The following ERGIC1 variants were observed in gnomAD, a reference collection of about 807,000 sequenced individuals.
ERGIC1 encodes the protein endoplasmic reticulum-golgi intermediate compartment 1, also known as endoplasmic reticulum-Golgi intermediate compartment protein 1.
ERGIC1 carries 19 observed loss-of-function variants against 38.3 expected under a neutral mutation model. That is an observed-to-expected ratio of 0.50 (90% CI 0.35 to 0.73). The LOEUF is 0.73. Among genes scored for constraint, ERGIC1 ranks in the 30% least tolerant of loss-of-function variants. The pLI is 0.01. For synonymous variants in ERGIC1, 124 were observed against 157.6 expected, an observed-to-expected ratio of 0.79 and a Z score of 1.60; for missense variants, 294 against 389.2, an observed-to-expected ratio of 0.76 and a Z score of 2.06.
At chr5:172,858,956 C>T (rs542625788) in intron 1 of ERGIC1, among the ~76,000 whole-genome samples, 1 of 152,232 alleles carries the variant, frequency 6.6e-6, no homozygotes, top group Non-Finnish European at 1.5e-5. Context: ...AGCTACAAGG[C>T]CTGTGGCTGG....
chr5:172,881,507 C>T (rs577700844), intron 1 of ERGIC1, among the ~76,000 whole-genome samples: 19 of 152,216 alleles, frequency 1.2e-4, no homozygotes, highest in Admixed American at 3.9e-4. Context: ...CTCCAGTGGC[C>T]GGGGAGGGCT....
At chr5:172,858,571 G>C (rs1037113745) in intron 1 of ERGIC1, among the ~76,000 whole-genome samples, 5 of 152,176 alleles carry the variant, frequency 3.3e-5, no homozygotes, top group African/African-American at 1.2e-4. Context: ...AGACACTCGG[G>C]GTGGGGCAGA....
chr5:172,853,224 TG>T (rs1388507823), intron 1 of ERGIC1, among the ~76,000 whole-genome samples: 1 of 152,188 alleles, frequency 6.6e-6, no homozygotes, highest in African/African-American at 2.4e-5. Context: ...CCCCAGTGAC[TG>T]GTGAGCGGCT....
chr5:172,838,449 C>A (rs1339846279), intron 1 of ERGIC1, among the ~76,000 whole-genome samples: 1 of 152,146 alleles, frequency 6.6e-6, no homozygotes, highest in Non-Finnish European at 1.5e-5. Flanking sequence ...TTCACTCTGG[C>A]CTTCTGAGTG....
At chr5:172,887,247 C>T (rs551447015) in intron 1 of ERGIC1, among the ~76,000 whole-genome samples, 7 of 152,302 alleles carry the variant, frequency 4.6e-5, no homozygotes, top group South Asian at 4.1e-4. Flanking sequence ...CTGGAGCCGC[C>T]GGCCTCTCCA....
chr5:172,857,700 C>A (rs1761587575), intron 1 of ERGIC1, among the ~76,000 whole-genome samples: 1 of 151,080 alleles, frequency 6.6e-6, no homozygotes, highest in South Asian at 2.1e-4. Context: ...CCTGGGGTCT[C>A]ACGTGGCCCC....
chr5:172,873,039 C>T (rs546622256), intron 1 of ERGIC1, among the ~76,000 whole-genome samples: 9 of 152,308 alleles, frequency 5.9e-5, no homozygotes, highest in African/African-American at 9.6e-5. Flanking sequence ...TGTGAAAGGC[C>T]GTGCCTGGCG....
intron 1 of ERGIC1, among the ~76,000 whole-genome samples, chr5:172,886,086 G>C (rs1176985170): frequency 6.6e-6 from 1 of 151,472 alleles, no homozygotes; most frequent in East Asian, 1.9e-4. Context: ...TCCCAAATTT[G>C]CTGACCTCTC....
At chr5:172,847,492 G>A (rs1761307530) in intron 1 of ERGIC1, among the ~76,000 whole-genome samples, 1 of 152,054 alleles carries the variant, frequency 6.6e-6, no homozygotes. Context: ...TTCCTAAACA[G>A]CATGTGATAT....
intron 3 of ERGIC1, among the ~76,000 whole-genome samples, chr5:172,902,737 T>C (rs574842297): frequency 6.6e-6 from 1 of 152,212 alleles, no homozygotes; most frequent in South Asian, 2.1e-4. Context: ...GAGCACGTGC[T>C]TGCAGAATCT....
At chr5:172,897,168 C>T in intron 3 of ERGIC1, 94 bp downstream of exon 3, 4 of 1,200,640 alleles carry the variant, frequency 3.3e-6, no homozygotes, top group Non-Finnish European at 3.7e-6. Context: ...GTGGCTAACA[C>T]CTGTAATCCC....
intron 5 of ERGIC1, chr5:172,915,853 C>G (rs1406182883): frequency 3.1e-6 from 1 of 326,802 alleles, no homozygotes; most frequent in Admixed American, 4.3e-5. Context: ...CGCCCTTCCT[C>G]CAGACCCTGA....
chr5:172,923,674 G>A (rs1055963459), intron 5 of ERGIC1, among the ~76,000 whole-genome samples: 7 of 152,162 alleles, frequency 4.6e-5, no homozygotes, highest in African/African-American at 1.2e-4. Flanking sequence ...GGGGTCAGCC[G>A]CCCAGAATCC....
intron 6 of ERGIC1, among the ~76,000 whole-genome samples, chr5:172,925,865 T>C (rs1294125808): frequency 1.3e-5 from 2 of 152,178 alleles, no homozygotes; most frequent in Non-Finnish European, 2.9e-5. Context: ...GCCAACCTGG[T>C]TTCCCATTGT....
At chr5:172,892,074 T>TG (rs1561720683) in intron 2 of ERGIC1, among the ~76,000 whole-genome samples, 1 of 149,704 alleles carries the variant, frequency 6.7e-6, no homozygotes, top group South Asian at 2.1e-4. Context: ...TTTTTTTTTT[T>TG]TTTTTTTTTT....
chr5:172,914,254 A>AT (rs1554112478), intron 4 of ERGIC1, among the ~76,000 whole-genome samples: 17 of 131,326 alleles, frequency 1.3e-4, no homozygotes, highest in East Asian at 1.3e-3. Flanking sequence ...AAAAAAAAAA[A>AT]AAATACAAAG....
chr5:172,931,544 G>T (rs942843522), intron 7 of ERGIC1, among the ~76,000 whole-genome samples: 3 of 152,166 alleles, frequency 2.0e-5, no homozygotes, highest in Non-Finnish European at 4.4e-5. Context: ...GTTCATCAGT[G>T]CTTCATTGGT....
intron 1 of ERGIC1, among the ~76,000 whole-genome samples, chr5:172,858,583 G>A (rs1396627286): frequency 6.6e-6 from 1 of 152,216 alleles, no homozygotes; most frequent in Non-Finnish European, 1.5e-5. Flanking sequence ...TGGGGCAGAG[G>A]GGCCCTCACT....
intron 1 of ERGIC1, among the ~76,000 whole-genome samples, chr5:172,862,556 CCTTGA>C (rs1561706633): frequency 6.6e-6 from 1 of 152,162 alleles, no homozygotes; most frequent in Non-Finnish European, 1.5e-5. Flanking sequence ...GGCTGGCCAG[CCTTGA>C]CTTTTCTCTT....
Sources: allele counts gnomAD v4.1 joint callset (sites outside exome capture counted in the v4.1 genomes callset), GRCh38; gene constraint gnomAD v4.1.1; transcripts MANE v1.5; gene names NCBI Gene and HGNC (gene_info 2026-07-23, HGNC 2026-07-21).